TMEM200A: variants seen among roughly 807,000 people sequenced by gnomAD.
The protein encoded by TMEM200A is transmembrane protein 200A, also known as two transmembrane C.
TMEM200A carries 12 observed loss-of-function variants against 24.3 expected under a neutral mutation model. The observed-to-expected ratio is 0.49, with a 90% CI of 0.32 to 0.80. TMEM200A has a LOEUF of 0.80. Ranked by LOEUF, TMEM200A falls within the 30% of genes least tolerant of loss-of-function variation. TMEM200A has a pLI of 0.04. For missense variants in TMEM200A, 545 were observed against 614.4 expected (o/e 0.89, Z 1.19); for synonymous variants, 224 against 224.4 (o/e 1.00, Z 0.02).
At chr6:130,379,965 G>A (rs550855138) in intron 1 of TMEM200A, among the ~76,000 whole-genome samples, 66 of 152,204 alleles carry the variant, frequency 4.3e-4, no homozygotes, top group African/African-American at 1.5e-3. Flanking sequence ...GCTGGGGTGT[G>A]CTACTGCTGA....
chr6:130,373,022 G>A (rs1380672655), intron 1 of TMEM200A, among the ~76,000 whole-genome samples: 1 of 152,170 alleles, frequency 6.6e-6, no homozygotes, highest in East Asian at 1.9e-4. Flanking sequence ...TAAATAGTGA[G>A]CTAATCACAG....
intron 2 of TMEM200A, among the ~76,000 whole-genome samples, chr6:130,425,368 A>C (rs1421475518): frequency 6.6e-6 from 1 of 152,184 alleles, no homozygotes. Context: ...CTAAACTAGA[A>C]ATTTGAACCA....
At chr6:130,421,421 G>A (rs1262558765) in intron 2 of TMEM200A, 1 of 151,892 alleles carries the variant, frequency 6.6e-6, no homozygotes, top group African/African-American at 2.4e-5. Flanking sequence ...TATTTAAGGT[G>A]CATAACATGA....
chr6:130,413,520 C>A lies in TMEM200A; in HGVS notation c.-16-26887C>A, dbSNP rs147002555. On this transcript the variant is annotated intron_variant, in intron 2 of 2. Coordinates refer to ENST00000296978, the MANE Select transcript of TMEM200A (RefSeq NM_001258277.2). ...CAATAAATGGCACAGCCATCCCCCCCACTAGAGATCTGGAAATTCCCTTGA... is the reference window on the plus strand; with the variant it reads ...CAATAAATGGCACAGCCATCCCCCCAACTAGAGATCTGGAAATTCCCTTGA... Among the ~76,000 whole-genome samples, 120 of 152,298 alleles carry A rather than the reference C, an allele frequency of 7.9e-4. 1 individual carries two copies. Among genetic ancestry groups the A allele is most frequent in the African/African-American group, 1.5e-3 (63 of 41,568 alleles).
chr6:130,408,435 C>CA (rs1779255625), intron 2 of TMEM200A, among the ~76,000 whole-genome samples: 1 of 152,152 alleles, frequency 6.6e-6, no homozygotes, highest in Admixed American at 6.6e-5. Flanking sequence ...ATCTACTTTC[C>CA]AAAATCTCTG....
intron 2 of TMEM200A, among the ~76,000 whole-genome samples, chr6:130,409,058 T>A (rs1197497364): frequency 1.3e-5 from 2 of 152,164 alleles, no homozygotes; most frequent in Admixed American, 6.5e-5. Flanking sequence ...TGATACTTTC[T>A]CAGAGCCACA....
intron 2 of TMEM200A, among the ~76,000 whole-genome samples, chr6:130,386,343 C>A (rs180687156): frequency 6.6e-6 from 1 of 152,118 alleles, no homozygotes; most frequent in Non-Finnish European, 1.5e-5. Context: ...TTGCTTAGAA[C>A]GGGGCTGAAA....
At chr6:130,398,012 G>C (rs772171268) in intron 2 of TMEM200A, among the ~76,000 whole-genome samples, 7 of 151,782 alleles carry the variant, frequency 4.6e-5, no homozygotes, top group Non-Finnish European at 8.8e-5. Flanking sequence ...ACATTTGTAG[G>C]TTTGTTACAT....
chr6:130,389,826 C>T (rs891885220), intron 2 of TMEM200A, among the ~76,000 whole-genome samples: 1 of 152,156 alleles, frequency 6.6e-6, no homozygotes, highest in Non-Finnish European at 1.5e-5. Flanking sequence ...CTAAGGGACT[C>T]AGATTGAGAT....
chr6:130,424,502 A>C (rs1312837819), intron 2 of TMEM200A, among the ~76,000 whole-genome samples: 1 of 152,186 alleles, frequency 6.6e-6, no homozygotes, highest in Non-Finnish European at 1.5e-5. Flanking sequence ...CTTTTGGGAA[A>C]GATTTAGGAT....
intron 2 of TMEM200A, among the ~76,000 whole-genome samples, chr6:130,413,936 C>T (rs915488576): frequency 1.3e-5 from 2 of 152,044 alleles, no homozygotes; most frequent in South Asian, 4.1e-4. Flanking sequence ...TAAATTCTCA[C>T]ACTAGAATTA....
At chr6:130,365,621 C>T (rs1307223372), upstream of TMEM200A, 5 of 985,318 alleles carry the variant, frequency 5.1e-6, no homozygotes, top group Non-Finnish European at 6.0e-6. Flanking sequence ...GTCCCTGGCT[C>T]GGTAACCGGT....
chr6:130,418,218 G>T (rs1180551052), intron 2 of TMEM200A, among the ~76,000 whole-genome samples: 3 of 152,116 alleles, frequency 2.0e-5, no homozygotes, highest in African/African-American at 7.2e-5. Flanking sequence ...ACCATGTCCT[G>T]GTTGATATTC....
At chr6:130,428,134 T>C (rs1779792114) in intron 2 of TMEM200A, among the ~76,000 whole-genome samples, 1 of 152,200 alleles carries the variant, frequency 6.6e-6, no homozygotes, top group Non-Finnish European at 1.5e-5. Flanking sequence ...TCCTGACATC[T>C]TAGGCAATTA....
chr6:130,407,101 G>A (rs1415312348), intron 2 of TMEM200A, among the ~76,000 whole-genome samples: 1 of 152,040 alleles, frequency 6.6e-6, no homozygotes, highest in African/African-American at 2.4e-5. Flanking sequence ...TAATGTGAAA[G>A]GCGCTTGGAA....
intron 2 of TMEM200A, chr6:130,421,059 A>T (rs1779571359): frequency 6.6e-6 from 1 of 152,200 alleles, no homozygotes; most frequent in Admixed American, 6.5e-5. Flanking sequence ...CTTCTGTTTC[A>T]TCTGAGTAGA....
intron 2 of TMEM200A, among the ~76,000 whole-genome samples, chr6:130,406,278 GAA>G (rs916474395): frequency 2.0e-5 from 3 of 152,068 alleles, no homozygotes; most frequent in South Asian, 4.1e-4. Context: ...GTAATACTTA[GAA>G]AAACACTATC....
intron 2 of TMEM200A, among the ~76,000 whole-genome samples, chr6:130,418,560 C>T (rs2115176287): frequency 1.3e-5 from 2 of 152,160 alleles, no homozygotes; most frequent in Middle Eastern, 3.4e-3. Flanking sequence ...AACCTGAAGT[C>T]ATTGCTTAAA....
chr6:130,387,289 T>G (rs1778732103), intron 2 of TMEM200A, among the ~76,000 whole-genome samples: 1 of 152,204 alleles, frequency 6.6e-6, no homozygotes, highest in African/African-American at 2.4e-5. Context: ...TTTGTTTGTT[T>G]TTTGACGGAC....
Sources: allele counts gnomAD v4.1 joint callset (sites outside exome capture counted in the v4.1 genomes callset), GRCh38; gene constraint gnomAD v4.1.1; transcripts MANE v1.5; gene names NCBI Gene and HGNC (gene_info 2026-07-23, HGNC 2026-07-21).